Variants in CTSB observed in about 807,000 individuals in gnomAD.
CTSB encodes cathepsin B.
CTSB carries 57 observed loss-of-function variants against 44.3 expected under a neutral mutation model. That is an observed-to-expected ratio of 1.29 (90% CI 1.04 to 1.60). The LOEUF is 1.60. Ranked by LOEUF, CTSB falls within the 40% of genes most tolerant of loss-of-function variation. The probability of loss-of-function intolerance (pLI) is 0.00; values close to 1 mark genes in which losing one functional copy is unlikely to be tolerated. For missense variants in CTSB, 768 were observed against 443.0 expected (o/e 1.73, Z -6.59); for synonymous variants, 320 against 168.0 (o/e 1.91, Z -7.00).
chr8:11,853,566 G>A (rs775182386), intron 1 of CTSB, 87 bp from the exon 2 acceptor site: 18 of 1,353,266 alleles, frequency 1.3e-5, no homozygotes, highest in Non-Finnish European at 1.8e-5. Flanking sequence ...GGGCATCAGT[G>A]GGGACCCCCA....
At chr8:11,851,111 C>T in intron 3 of CTSB, 131 bp from the exon 4 acceptor site, 1 of 492,102 alleles carries the variant, frequency 2.0e-6, no homozygotes, top group East Asian at 3.5e-5. Context: ...AAGAAGGCTG[C>T]AGACAGGTGT....
Position 11,845,805 on chromosome 8 carries a change from C to A in CTSB, c.794-16G>T, listed in dbSNP as rs756799886. ...TGGTACACTCCTGAAAAGGGAAGAA[C>A]TGGCTGAGACCGAGACCGGGCCACT... On this transcript the variant is annotated splice_polypyrimidine_tract_variant and intron_variant, in intron 8 of 9. Coordinates refer to ENST00000353047, the MANE Select transcript of CTSB (RefSeq NM_001908.5). The A allele has an allele frequency of 6.2e-7, 1 of 1,603,878 alleles. No homozygotes were observed. The highest frequency in any genetic ancestry group is 2.2e-5 in the East Asian group (1 of 44,474).
chr8:11,847,082 C>CA lies in CTSB; in HGVS notation c.762dup (p.Val255CysfsTer49), dbSNP rs1813515204. On this transcript the variant is annotated frameshift_variant, in exon 8 of 10. Coordinates refer to ENST00000353047, the MANE Select transcript of CTSB (RefSeq NM_001908.5). LOFTEE classifies it high-confidence loss of function. ...TTGTAGAGCAGGAAGTCCGAATACACAGAGAAAGCTCCCTCCACGGGGCCG... is the reference window on the plus strand; with the variant it reads ...TTGTAGAGCAGGAAGTCCGAATACACAAGAGAAAGCTCCCTCCACGGGGCCG... 6.2e-7 allele frequency: 1 copy of CA among 1,611,880 alleles called. No individual in the cohort carries two copies.
At chr8:11,845,889 A>G in intron 8 of CTSB, 100 bp from the exon 9 acceptor site, 3 of 1,394,876 alleles carry the variant, frequency 2.2e-6, no homozygotes, top group South Asian at 3.1e-5. Context: ...AAGGAGAAAC[A>G]GCTTCCAGAG....
intron 4 of CTSB, chr8:11,849,398 G>A (rs148977198): frequency 0.022 from 7,294 of 332,232 alleles, 120 homozygotes; most frequent in Middle Eastern, 0.06. Context: ...TGCCCACCTT[G>A]GCCTCCCAAA....
In CTSB at chr8:11,853,435, G is replaced by A. The variant is rs1299390303; in HGVS notation, c.20C>T (p.Ser7Phe). Residue 7 changes from serine to phenylalanine, a missense_variant, in exon 2 of 10, where the codon TCC (serine) becomes TTC (phenylalanine). Ser to Phe is a radical substitution (Grantham distance 155). Transcript: ENST00000353047. ...GGCCAACACCAGCAGGCAGCAGAGGGAGGCCCAGAGCTGCCACATGTTGGA... is the reference window on the plus strand; with the variant it reads ...GGCCAACACCAGCAGGCAGCAGAGGAAGGCCCAGAGCTGCCACATGTTGGA... Reference protein sequence around the residue: MWQLWASLCCLLVLANA... With the variant: MWQLWAFLCCLLVLANA... 24 of 1,612,094 alleles carry A rather than the reference G, an allele frequency of 1.5e-5. No homozygotes were observed. Among genetic ancestry groups the A allele is most frequent in the Non-Finnish European group, 1.9e-5 (22 of 1,179,690 alleles).
At chr8:11,864,764 A>G (rs1465062953) in intron 1 of CTSB, among the ~76,000 whole-genome samples, 2 of 152,046 alleles carry the variant, frequency 1.3e-5, no homozygotes, top group Non-Finnish European at 2.9e-5. Context: ...AAATACAAAA[A>G]TTAGCCAGGC....
chr8:11,854,914 C>A (rs1815262348), intron 1 of CTSB: 1 of 152,318 alleles, frequency 6.6e-6, no homozygotes, highest in Non-Finnish European at 1.5e-5. Flanking sequence ...ATCAGCGTTA[C>A]CTAGGTGAGG....
At chr8:11,851,569 CA>C (rs1337270733) in intron 3 of CTSB, among the ~76,000 whole-genome samples, 2 of 152,168 alleles carry the variant, frequency 1.3e-5, no homozygotes, top group Non-Finnish European at 2.9e-5. Flanking sequence ...ATTATAAACT[CA>C]TTTTTAAATA....
intron 1 of CTSB, 43 bp from the exon 2 acceptor site, chr8:11,853,522 G>A: frequency 1.9e-6 from 3 of 1,555,188 alleles, no homozygotes; most frequent in Non-Finnish European, 2.6e-6. Context: ...CTGTTATGTG[G>A]GTCGAGGGCT....
At chr8:11,845,424 C>G (rs1197443653) in intron 9 of CTSB, among the ~76,000 whole-genome samples, 1 of 152,240 alleles carries the variant, frequency 6.6e-6, no homozygotes, top group East Asian at 1.9e-4. Flanking sequence ...CCCTTCCCAT[C>G]ACAGGATCTG....
In CTSB at chr8:11,860,075, G is replaced by GA. The variant is rs1452032720; in HGVS notation, c.-25-6597dup. Among the ~76,000 whole-genome samples the GA allele has an allele frequency of 1.3e-3, 193 of 150,620 alleles. 3 individuals carry two copies. The highest frequency in any genetic ancestry group is 4.0e-3 in the African/African-American group (164 of 41,058). ...CGACAGAGCAACACTCTGTCTCAGAGAAAAAAAAAGAAAGAAAAAGCTTTC... is the reference window on the plus strand; with the variant it reads ...CGACAGAGCAACACTCTGTCTCAGAGAAAAAAAAAAGAAAGAAAAAGCTTTC... On this transcript the variant is annotated intron_variant, in intron 1 of 9. Coordinates refer to ENST00000353047, the MANE Select transcript of CTSB (RefSeq NM_001908.5).
chr8:11,866,799 G>A (rs1397586695), intron 1 of CTSB, among the ~76,000 whole-genome samples: 4 of 152,210 alleles, frequency 2.6e-5, no homozygotes, highest in Non-Finnish European at 5.9e-5. Context: ...GGCGGAAGTT[G>A]TAGTGAGCCG....
chr8:11,863,347 T>G (rs1413961634), intron 1 of CTSB, among the ~76,000 whole-genome samples: 1 of 151,704 alleles, frequency 6.6e-6, no homozygotes, highest in Non-Finnish European at 1.5e-5. Context: ...TAATCCCAGC[T>G]ACTCAGGGGG....
chr8:11,848,358 C>G (rs573672958), intron 5 of CTSB: 2 of 680,150 alleles, frequency 2.9e-6, no homozygotes, highest in Non-Finnish European at 5.4e-6. Flanking sequence ...CAGCCCCACC[C>G]CTGCCCACAA....
rs563628220 is a variant in CTSB, at chr8:11,852,075, A to G, written c.212+535T>C. On this transcript the variant is annotated intron_variant, in intron 3 of 9. Coordinates refer to ENST00000353047, the MANE Select transcript of CTSB (RefSeq NM_001908.5). ...ATCTGCGGCTGAGACACCTTGGAGAAGCACAATAGAAAACACTGGGGGTGG... is the reference window on the plus strand; with the variant it reads ...ATCTGCGGCTGAGACACCTTGGAGAGGCACAATAGAAAACACTGGGGGTGG... 3.3e-5 allele frequency among the ~76,000 whole-genome samples: 5 copies of G among 152,310 alleles called. No individual in the cohort carries two copies. The South Asian group carries it at 1.0e-3, about 32-fold the overall frequency.
chr8:11,845,910 G>A (rs948747889), intron 8 of CTSB, 121 bp from the exon 9 acceptor site: 39 of 1,253,016 alleles, frequency 3.1e-5, no homozygotes, highest in Non-Finnish European at 3.9e-5. Flanking sequence ...GGAACCTGCT[G>A]CTCCACCAGG....
intron 6 of CTSB, 98 bp from the exon 7 acceptor site, chr8:11,847,920 G>A: frequency 2.1e-6 from 3 of 1,442,706 alleles, no homozygotes; most frequent in Non-Finnish European, 2.8e-6. Flanking sequence ...ACGCCAGGCA[G>A]GTCCTGCCAG....
At chr8:11,862,738 T>C (rs775763243) in intron 1 of CTSB, among the ~76,000 whole-genome samples, 1 of 152,212 alleles carries the variant, frequency 6.6e-6, no homozygotes, top group Non-Finnish European at 1.5e-5. Context: ...TGACTGTGTG[T>C]GTGCACATTC....
Sources: gnomAD v4.1 joint callset for allele counts (sites outside exome capture counted in the v4.1 genomes callset) on GRCh38, gnomAD v4.1.1 for gene constraint, MANE v1.5 for transcripts, NCBI Gene and HGNC (gene_info 2026-07-23, HGNC 2026-07-21) for gene names.